The following CYP4X1 variants were observed in gnomAD, a reference collection of about 807,000 sequenced individuals.
CYP4X1 encodes the protein cytochrome P450 family 4 subfamily X member 1.
Under a neutral mutation model 57.9 loss-of-function variants are expected in CYP4X1, and 44 were observed. That is an observed-to-expected ratio of 0.76 (90% CI 0.60 to 0.98). The LOEUF is 0.98. Ranked by LOEUF, CYP4X1 falls within the 50% of genes least tolerant of loss-of-function variation. The pLI is 0.00. For synonymous variants in CYP4X1, 227 were observed against 228.6 expected (o/e 0.99, Z 0.06); for missense variants, 532 against 623.9 (o/e 0.85, Z 1.57).
intron 3 of CYP4X1, 42 bp downstream of exon 3, chr1:47,031,522 A>G: frequency 1.2e-5 from 20 of 1,602,520 alleles, no homozygotes; most frequent in Non-Finnish European, 1.7e-5. Flanking sequence ...CTCTCATTCA[A>G]AGTCCCCTTT....
At chr1:47,019,381 T>G (rs1643973329), upstream of CYP4X1, among the ~76,000 whole-genome samples, 3 of 152,160 alleles carry the variant, frequency 2.0e-5, no homozygotes, top group Non-Finnish European at 4.4e-5. Flanking sequence ...CCTAAACGGG[T>G]CCTGATAAGA....
At chr1:47,054,849 G>A (rs1275251594), downstream of CYP4X1, among the ~76,000 whole-genome samples, 1 of 152,108 alleles carries the variant, frequency 6.6e-6, no homozygotes, top group East Asian at 1.9e-4. Context: ...TCAATATACA[G>A]TCATGTCATC....
At chr1:47,023,055 C>G (rs1311442416), upstream of CYP4X1, among the ~76,000 whole-genome samples, 3 of 152,346 alleles carry the variant, frequency 2.0e-5, no homozygotes, top group Non-Finnish European at 4.4e-5. Context: ...AGCAGCCACA[C>G]GAGGCTCTGA....
the CYP4X1 span, among the ~76,000 whole-genome samples, chr1:47,002,623 G>A: frequency 6.6e-6 from 1 of 152,198 alleles, no homozygotes; most frequent in Non-Finnish European, 1.5e-5. Context: ...GACCATTCCT[G>A]CAGCCTTTGA....
downstream of CYP4X1, among the ~76,000 whole-genome samples, chr1:47,054,883 C>T (rs1021063579): frequency 3.3e-4 from 50 of 152,308 alleles, no homozygotes; most frequent in African/African-American, 1.1e-3. Context: ...AATTTGACTT[C>T]CTCTTTTCCT....
the CYP4X1 span, among the ~76,000 whole-genome samples, chr1:47,009,479 C>T: frequency 4.6e-5 from 7 of 151,678 alleles, no homozygotes; most frequent in Non-Finnish European, 1.0e-4. Flanking sequence ...AAATTGACAC[C>T]CTAACATCAC....
At chr1:46,982,354 C>CAT in the CYP4X1 span, among the ~76,000 whole-genome samples, 1 of 152,068 alleles carries the variant, frequency 6.6e-6, no homozygotes, top group Non-Finnish European at 1.5e-5. Flanking sequence ...TCATCTCAGC[C>CAT]ATTTCTTTCT....
intron 6 of CYP4X1, among the ~76,000 whole-genome samples, chr1:47,038,445 A>G (rs1166959532): frequency 1.3e-5 from 2 of 152,280 alleles, no homozygotes; most frequent in Admixed American, 6.5e-5. Context: ...TTGCCCACAT[A>G]CTGATGGAAA....
chr1:47,048,570 A>C lies in CYP4X1; in HGVS notation c.1213A>C (p.Thr405Pro), dbSNP rs1273905071. Residue 405 changes from threonine (T) to proline (P), a missense_variant, in exon 10 of 12, where the codon ACC becomes CCC. By Grantham distance (38) the Thr-to-Pro change is conservative. Coordinates refer to ENST00000371901, the MANE Select transcript of CYP4X1 (RefSeq NM_178033.2). Reference sequence around the variant, plus strand: ...TTATTTCCCTCCTTTCTTAGGGATCACCGTGGTTCTTAGTATTTGGGGTCT... The same window carrying C: ...TTATTTCCCTCCTTTCTTAGGGATCCCCGTGGTTCTTAGTATTTGGGGTCT... ...PDGCTLPAGI[T>P]VVLSIWGLHH... The C allele has an allele frequency of 1.2e-6, 2 of 1,614,008 alleles. No individual in the cohort carries two copies. The highest frequency in any genetic ancestry group is 8.5e-7 in the Non-Finnish European group (1 of 1,180,000).
Position 47,036,480 on chromosome 1 carries a change from G to A in CYP4X1, c.775+309G>A, listed in dbSNP as rs1344595762. ...CATGGAATATGGCTTTTTGCACAGC[G>A]ATTGCAGTAATAATAATGACAAGCT... On this transcript the variant is annotated intron_variant, in intron 6 of 11. Transcript: ENST00000371901. 6.6e-5 allele frequency among the ~76,000 whole-genome samples: 10 copies of A among 150,526 alleles called. No homozygotes were observed. In the Admixed American group the frequency reaches 6.7e-4, roughly 10 times the overall value.
At chr1:47,036,983 T>C (rs1644190575) in intron 6 of CYP4X1, among the ~76,000 whole-genome samples, 1 of 152,140 alleles carries the variant, frequency 6.6e-6, no homozygotes, top group Admixed American at 6.6e-5. Flanking sequence ...ACATAGATAT[T>C]ATAAAGAGGA....
At chr1:46,961,779 T>A in the CYP4X1 span, 2 of 1,304,214 alleles carry the variant, frequency 1.5e-6, no homozygotes, top group African/African-American at 3.0e-5. Context: ...CTGCCTTTCT[T>A]GCCTTGCCCA....
At chr1:46,996,430 C>G in the CYP4X1 span, among the ~76,000 whole-genome samples, 5 of 152,202 alleles carry the variant, frequency 3.3e-5, no homozygotes, top group African/African-American at 1.2e-4. Flanking sequence ...AGGTTATCAA[C>G]TACACATATT....
the CYP4X1 span, among the ~76,000 whole-genome samples, chr1:47,011,858 G>A: frequency 4.5e-4 from 68 of 152,280 alleles, no homozygotes; most frequent in African/African-American, 1.5e-3. Context: ...ACCACAATGA[G>A]ATACCATCTC....
chr1:46,995,460 A>G, the CYP4X1 span, among the ~76,000 whole-genome samples: 1 of 152,292 alleles, frequency 6.6e-6, no homozygotes, highest in East Asian at 1.9e-4. Context: ...GCACCGAGAA[A>G]ATCATGGAGA....
intron 8 of CYP4X1, among the ~76,000 whole-genome samples, chr1:47,042,733 T>A (rs1557609494): frequency 1.3e-5 from 2 of 152,216 alleles, no homozygotes; most frequent in African/African-American, 4.8e-5. Flanking sequence ...TCTGAGTTAC[T>A]TCATTTAGAA....
In CYP4X1 at chr1:47,036,014, T is replaced by C. The variant is rs1256996197; in HGVS notation, c.621-3T>C. ...AACACATTATCCCAACTTTCTCTTC[T>C]AGCACCCATGATCCTTATGCAAAAG... is the stretch of plus-strand genomic sequence containing the variant. On this transcript the variant is annotated splice_polypyrimidine_tract_variant and splice_region_variant and intron_variant, in intron 5 of 11. Coordinates refer to ENST00000371901, the MANE Select transcript of CYP4X1 (RefSeq NM_178033.2). The C allele has an allele frequency of 1.2e-6, 2 of 1,611,288 alleles. No individual in the cohort carries two copies. The highest frequency in any genetic ancestry group is 1.7e-6 in the Non-Finnish European group (2 of 1,178,050).
At chr1:47,003,891 T>G in the CYP4X1 span, among the ~76,000 whole-genome samples, 11 of 152,274 alleles carry the variant, frequency 7.2e-5, no homozygotes, top group East Asian at 1.9e-3. Context: ...CTCAGATCCT[T>G]CTCACGTTAC....
Position 47,035,969 on chromosome 1 carries a change from C to T in CYP4X1, c.620+36C>T, listed in dbSNP as rs777277339. ...GGAGAGCAAAAAAGATATTTCTTCA[C>T]ATTTTCTAAGTTGTTTATTAACACA... On this transcript the variant is annotated intron_variant, in intron 5 of 11. Coordinates refer to ENST00000371901, the MANE Select transcript of CYP4X1 (RefSeq NM_178033.2). 7.4e-6 allele frequency: 12 copies of T among 1,611,356 alleles called. No individual in the cohort carries two copies. In the East Asian group the frequency reaches 2.7e-4, roughly 36 times the overall value.
Sources: allele counts gnomAD v4.1 joint callset (sites outside exome capture counted in the v4.1 genomes callset), GRCh38; gene constraint gnomAD v4.1.1; transcripts MANE v1.5; gene names NCBI Gene and HGNC (gene_info 2026-07-23, HGNC 2026-07-21).